The following GIGYF2 variants were observed in gnomAD, a reference collection of about 807,000 sequenced individuals.
The protein encoded by GIGYF2 is GRB10 interacting GYF protein 2, also known as GRB10-interacting GYF protein 2.
In GIGYF2, 25 loss-of-function variants were observed where a neutral mutation model predicts 208.1. The observed-to-expected ratio is 0.12, with a 90% CI of 0.09 to 0.17. The LOEUF is 0.17. GIGYF2 is among the 10% of genes least tolerant of loss of function. The pLI, the probability that GIGYF2 is intolerant of heterozygous loss-of-function variation, is 1.00. For missense variants in GIGYF2, 1,302 were observed against 1,579.4 expected, an observed-to-expected ratio of 0.82 and a Z score of 2.98; for synonymous variants, 534 against 543.8, an observed-to-expected ratio of 0.98 and a Z score of 0.25.
At chr2:232,718,569 C>T (rs1487719527) in intron 2 of GIGYF2, among the ~76,000 whole-genome samples, 2 of 152,134 alleles carry the variant, frequency 1.3e-5, no homozygotes, top group Non-Finnish European at 2.9e-5. Context: ...AATATAACTT[C>T]AGTTTCCTTG....
At chr2:232,802,405 T>C (rs924016340) in intron 14 of GIGYF2, among the ~76,000 whole-genome samples, 5 of 152,178 alleles carry the variant, frequency 3.3e-5, no homozygotes, top group Admixed American at 3.3e-4. Context: ...TATATGACTT[T>C]TATTATATTT....
At chr2:232,710,248 C>T (rs192629636) in intron 2 of GIGYF2, among the ~76,000 whole-genome samples, 9 of 152,054 alleles carry the variant, frequency 5.9e-5, no homozygotes, top group South Asian at 4.2e-4. Context: ...TGTGAGCCAC[C>T]GCGCCTGGCC....
At chr2:232,826,906 G>A (rs536207114) in intron 21 of GIGYF2, among the ~76,000 whole-genome samples, 1 of 152,296 alleles carries the variant, frequency 6.6e-6, no homozygotes, top group Admixed American at 6.5e-5. Context: ...ACCCTGATCA[G>A]CAGCCATCAA....
At chr2:232,706,831 A>T (rs766639351) in intron 2 of GIGYF2, among the ~76,000 whole-genome samples, 6 of 151,650 alleles carry the variant, frequency 4.0e-5, no homozygotes, top group Non-Finnish European at 8.8e-5. Flanking sequence ...GTGGTAATGC[A>T]TGCCTTGGTC....
intron 5 of GIGYF2, among the ~76,000 whole-genome samples, chr2:232,749,999 A>G (rs1698280046): frequency 6.6e-6 from 1 of 152,094 alleles, no homozygotes; most frequent in Non-Finnish European, 1.5e-5. Context: ...AGCCTGGCCA[A>G]CATGGTGAAA....
At chr2:232,756,418 T>A (rs1471311690) in intron 6 of GIGYF2, 84 bp downstream of exon 6, 8 of 683,732 alleles carry the variant, frequency 1.2e-5, no homozygotes, top group Admixed American at 3.0e-5. Context: ...AATGCCTGAT[T>A]TAATAAAAAC....
intron 8 of GIGYF2, among the ~76,000 whole-genome samples, chr2:232,778,750 G>A (rs1426969600): frequency 6.6e-6 from 1 of 152,164 alleles, no homozygotes; most frequent in Non-Finnish European, 1.5e-5. Flanking sequence ...TAGGGATGTG[G>A]AGGTCCTGGG....
chr2:232,817,587 T>A (rs76552726), intron 20 of GIGYF2, among the ~76,000 whole-genome samples: 3,862 of 152,340 alleles, frequency 0.025, 167 homozygotes, highest in African/African-American at 0.088. Context: ...CTTCTTTCTG[T>A]GTCTGTGAAT....
At chr2:232,735,296 A>G (rs1697686952) in intron 3 of GIGYF2, 58 bp downstream of exon 3, 1 of 1,196,880 alleles carries the variant, frequency 8.4e-7, no homozygotes, top group Admixed American at 1.7e-5. Context: ...GTAGTAAAGT[A>G]TTTGACAGGT....
At chr2:232,730,545 C>T (rs916477171) in intron 2 of GIGYF2, among the ~76,000 whole-genome samples, 2 of 148,214 alleles carry the variant, frequency 1.3e-5, no homozygotes, top group African/African-American at 5.0e-5. Context: ...ACGAAGGTTG[C>T]AGTGAGCCAA....
intron 1 of GIGYF2, among the ~76,000 whole-genome samples, chr2:232,700,866 TA>T (rs1206401820): frequency 1.3e-5 from 2 of 152,144 alleles, no homozygotes; most frequent in Non-Finnish European, 2.9e-5. Flanking sequence ...TAAAATAAGA[TA>T]AAAAAGTCCT....
intron 2 of GIGYF2, among the ~76,000 whole-genome samples, chr2:232,710,280 G>C (rs1696330376): frequency 6.6e-6 from 1 of 151,856 alleles, no homozygotes; most frequent in African/African-American, 2.4e-5. Flanking sequence ...TTTAAGAGGG[G>C]ATCTCGCTAT....
intron 8 of GIGYF2, among the ~76,000 whole-genome samples, chr2:232,783,084 C>T (rs574056258): frequency 9.2e-5 from 14 of 152,238 alleles, no homozygotes; most frequent in African/African-American, 3.1e-4. Context: ...AAAATGAGCA[C>T]GGCCTCTGGA....
chr2:232,825,947 A>G (rs1483975598), intron 21 of GIGYF2, among the ~76,000 whole-genome samples: 1 of 150,736 alleles, frequency 6.6e-6, no homozygotes, highest in Non-Finnish European at 1.5e-5. Flanking sequence ...GAGTGAGAAC[A>G]TGTGGTGTTT....
At chr2:232,720,020 G>A (rs2106270607) in intron 2 of GIGYF2, among the ~76,000 whole-genome samples, 1 of 152,220 alleles carries the variant, frequency 6.6e-6, no homozygotes, top group South Asian at 2.1e-4. Context: ...AGTTGTACAT[G>A]TGCCATGTTG....
chr2:232,831,198 A>G (rs893520213), intron 21 of GIGYF2, among the ~76,000 whole-genome samples: 23 of 152,280 alleles, frequency 1.5e-4, no homozygotes, highest in African/African-American at 5.5e-4. Context: ...CCCCCTTACT[A>G]CTGTAAGTAG....
chr2:232,729,481 C>T, intron 2 of GIGYF2: 1 of 983,764 alleles, frequency 1.0e-6, no homozygotes, highest in Non-Finnish European at 1.4e-6. Flanking sequence ...TTTTAATTAA[C>T]CTCTCAAGCT....
chr2:232,806,808 G>C lies in GIGYF2; in HGVS notation c.1806+151G>C. ...TAAGGGAAAGTCTGAATGGAAGACT[G>C]AATACTTAGCTATAATGATCTTTTC... On this transcript the variant is annotated intron_variant, in intron 15 of 28. Transcript: ENST00000373563. The surrounding 1 kb of genome is among the most constrained non-coding windows in gnomAD (Gnocchi z 4.0). 1.3e-6 allele frequency: 1 copy of C among 745,374 alleles called. No individual in the cohort carries two copies. The highest frequency in any genetic ancestry group is 2.4e-6 in the Non-Finnish European group (1 of 416,150). The allele number at this position is 745,374 out of a possible 1,614,324, so 46.2% of individuals were successfully genotyped here.
At chr2:232,710,650 A>G (rs1192310361) in intron 2 of GIGYF2, among the ~76,000 whole-genome samples, 6 of 151,416 alleles carry the variant, frequency 4.0e-5, no homozygotes, top group Non-Finnish European at 8.8e-5. Context: ...TGAAAACACT[A>G]GATACTTTTT....
Sources: gnomAD v4.1 joint callset for allele counts (sites outside exome capture counted in the v4.1 genomes callset) on GRCh38, gnomAD v4.1.1 for gene constraint, Gnocchi (gnomAD v3.1) non-coding constraint, MANE v1.5 for transcripts, NCBI Gene and HGNC (gene_info 2026-07-23, HGNC 2026-07-21) for gene names.